Variants in GPM6A observed in about 807,000 individuals in gnomAD.
GPM6A encodes glycoprotein M6A.
GPM6A carries 7 observed loss-of-function variants against 32.1 expected under a neutral mutation model. The ratio of observed to expected loss-of-function variants is 0.22; its 90% CI spans 0.12 to 0.41. GPM6A has a LOEUF of 0.41. GPM6A is among the 10% of genes least tolerant of loss of function. GPM6A has a pLI of 1.00. For missense variants in GPM6A, 235 were observed against 347.2 expected, an observed-to-expected ratio of 0.68 and a Z score of 2.57; for synonymous variants, 130 against 123.4, an observed-to-expected ratio of 1.05 and a Z score of -0.35.
intron 1 of GPM6A, among the ~76,000 whole-genome samples, chr4:175,800,029 C>T (rs555605647): frequency 6.6e-6 from 1 of 152,086 alleles, no homozygotes; most frequent in African/African-American, 2.4e-5. Flanking sequence ...ATTTTTAATA[C>T]TGAATTATAA....
At chr4:175,999,161 C>T (rs1022921395) in intron 1 of GPM6A, among the ~76,000 whole-genome samples, 4 of 152,154 alleles carry the variant, frequency 2.6e-5, no homozygotes, top group African/African-American at 7.2e-5. Flanking sequence ...TCAATGGTCT[C>T]ATAGTGATAT....
intron 1 of GPM6A, among the ~76,000 whole-genome samples, chr4:175,909,044 G>GGGGGGGGGGGGA (rs1738227439): frequency 9.4e-6 from 1 of 105,978 alleles, no homozygotes; most frequent in African/African-American, 3.5e-5. Context: ...AAAAAGGGCG[G>GGGGGGGGGGGGA]GGGGGGGGCA....
At chr4:175,726,685 A>G (rs1267130662) in intron 1 of GPM6A, among the ~76,000 whole-genome samples, 1 of 152,218 alleles carries the variant, frequency 6.6e-6, no homozygotes, top group Non-Finnish European at 1.5e-5. Flanking sequence ...TAAAAGACAC[A>G]AAAACTAAAA....
intron 1 of GPM6A, among the ~76,000 whole-genome samples, chr4:175,763,310 C>T (rs573836003): frequency 1.1e-4 from 16 of 152,184 alleles, no homozygotes; most frequent in African/African-American, 3.4e-4. Context: ...CTGTGCCTGG[C>T]CCAGAAATGC....
At chr4:175,751,460 A>G (rs535195319) in intron 1 of GPM6A, among the ~76,000 whole-genome samples, 1 of 152,182 alleles carries the variant, frequency 6.6e-6, no homozygotes, top group Non-Finnish European at 1.5e-5. Flanking sequence ...ATTTAACTGT[A>G]TAAACTAACC....
At chr4:175,887,982 C>T (rs1288545488) in intron 1 of GPM6A, among the ~76,000 whole-genome samples, 3 of 151,914 alleles carry the variant, frequency 2.0e-5, no homozygotes, top group South Asian at 2.1e-4. Flanking sequence ...CAACTTAATG[C>T]TATATTACTA....
chr4:175,635,657 T>C (rs1403434737), intron 6 of GPM6A, among the ~76,000 whole-genome samples: 1 of 152,182 alleles, frequency 6.6e-6, no homozygotes, highest in Non-Finnish European at 1.5e-5. Flanking sequence ...AATAGTGCCA[T>C]GTTCAAAAAG....
At chr4:175,693,628 C>A (rs1463641389) in intron 2 of GPM6A, among the ~76,000 whole-genome samples, 1 of 152,122 alleles carries the variant, frequency 6.6e-6, no homozygotes, top group Admixed American at 6.5e-5. Context: ...AAGTATTTCT[C>A]TATAAATTGA....
chr4:175,882,600 T>C (rs141946076), intron 1 of GPM6A, among the ~76,000 whole-genome samples: 71 of 152,128 alleles, frequency 4.7e-4, no homozygotes, highest in African/African-American at 1.6e-3. Context: ...ATTTTTCAAG[T>C]CAGATGTTTT....
At chr4:175,915,188 T>TTTTTGTAATTCAGAC (rs1738452356) in intron 1 of GPM6A, among the ~76,000 whole-genome samples, 2 of 152,148 alleles carry the variant, frequency 1.3e-5, no homozygotes, top group African/African-American at 4.8e-5. Context: ...TATTACAATT[T>TTTTTGTAATTCAGAC]AAAATATTTG....
chr4:175,917,546 T>C lies in GPM6A; in HGVS notation c.-23+84763A>G, dbSNP rs546277081. On this transcript the variant is annotated intron_variant, in intron 1 of 7. Transcript: ENST00000280187. The stretch of plus-strand genomic sequence containing the variant: ...AGGCAGAAACAGGCTGACTGGATTA[T>C]ACATCTGTCCATGTACGTTACCATA... Among the ~76,000 whole-genome samples the C allele has an allele frequency of 3.3e-5, 5 of 152,338 alleles. No individual in the cohort carries two copies. In the South Asian group the frequency reaches 1.0e-3, roughly 32 times the overall value.
rs780096379 is a variant in GPM6A at position 175,831,715 on chromosome 4, CTTTT to C, written c.-22-19470_-22-19467del. Among the ~76,000 whole-genome samples the C allele has an allele frequency of 1.6e-4, 11 of 69,936 alleles. 1 individual carries two copies. The Admixed American group carries it at 2.2e-3, about 14-fold the overall frequency. The allele number at this position is 69,936 out of a possible 152,430, so 45.9% of individuals were successfully genotyped here. ...CTTGTTAAGGCCCATTTAGCCATCT[CTTTT>C]TTTTTTTTTTTTTTTTTTTGACGGA... On this transcript the variant is annotated intron_variant, in intron 1 of 7. Coordinates refer to the GPM6A transcript ENST00000280187.
intron 1 of GPM6A, among the ~76,000 whole-genome samples, chr4:175,852,691 A>G (rs772798738): frequency 2.0e-5 from 3 of 152,216 alleles, no homozygotes; most frequent in Non-Finnish European, 4.4e-5. Context: ...CAGAGTACCA[A>G]TAGATAGCAC....
intron 1 of GPM6A, among the ~76,000 whole-genome samples, chr4:175,954,342 G>C (rs183653899): frequency 6.8e-4 from 103 of 152,268 alleles, no homozygotes; most frequent in African/African-American, 2.2e-3. Context: ...AGTGGCTAAG[G>C]GTGTGGCCCC....
rs1210917441 is a variant in GPM6A, at chr4:175,864,020, A to T, written c.-22-51771T>A. Among the ~76,000 whole-genome samples the T allele has an allele frequency of 2.6e-5, 4 of 152,200 alleles. No individual in the cohort carries two copies. In the East Asian group the frequency reaches 7.7e-4, roughly 29 times the overall value. ...TGTCTCCGAAAAAAAAAGAAAAAAA[A>T]ATTCCATTTTATCAATACCATTGCC... On this transcript the variant is annotated intron_variant, in intron 1 of 7. Transcript: ENST00000280187.
At chr4:175,795,218 G>A (rs925821440) in intron 1 of GPM6A, among the ~76,000 whole-genome samples, 1 of 152,142 alleles carries the variant, frequency 6.6e-6, no homozygotes, top group Non-Finnish European at 1.5e-5. Flanking sequence ...AAGAACCAAG[G>A]ATGTAGAGTT....
At chr4:175,852,144 T>C (rs1289223589) in intron 1 of GPM6A, among the ~76,000 whole-genome samples, 1 of 152,084 alleles carries the variant, frequency 6.6e-6, no homozygotes, top group Non-Finnish European at 1.5e-5. Context: ...GACCAGAAAG[T>C]GAAATCTTTT....
chr4:175,904,327 T>C (rs1738058455), intron 1 of GPM6A, among the ~76,000 whole-genome samples: 1 of 152,172 alleles, frequency 6.6e-6, no homozygotes, highest in African/African-American at 2.4e-5. Flanking sequence ...AATATCTGCT[T>C]TCAGTAAAGT....
At chr4:175,681,867 A>G (rs1403463589) in intron 2 of GPM6A, among the ~76,000 whole-genome samples, 1 of 152,192 alleles carries the variant, frequency 6.6e-6, no homozygotes, top group Non-Finnish European at 1.5e-5. Context: ...GGTCTAACAG[A>G]GAAAATTGGT....
Sources: allele counts gnomAD v4.1 joint callset (sites outside exome capture counted in the v4.1 genomes callset), GRCh38; gene constraint gnomAD v4.1.1; transcripts MANE v1.5; gene names NCBI Gene and HGNC (gene_info 2026-07-23, HGNC 2026-07-21).